Variants in ZRANB3 observed in about 807,000 individuals in gnomAD.
The protein encoded by ZRANB3 is DNA annealing helicase and endonuclease ZRANB3.
A neutral mutation model predicts 133.8 loss-of-function variants in ZRANB3; 125 were observed. The observed-to-expected ratio is 0.93, with a 90% CI of 0.81 to 1.08. ZRANB3 has a LOEUF of 1.08. ZRANB3 is among the 50% of genes least tolerant of loss of function. The probability of loss-of-function intolerance (pLI) is 0.00; values close to 1 mark genes in which losing one functional copy is unlikely to be tolerated. For synonymous variants in ZRANB3, 387 were observed against 432.7 expected (o/e 0.89, Z 1.31); for missense variants, 1,229 against 1,275.5 (o/e 0.96, Z 0.56).
chr2:135,349,773 A>T (rs568469949), intron 5 of ZRANB3, among the ~76,000 whole-genome samples: 39 of 152,366 alleles, frequency 2.6e-4, no homozygotes, highest in African/African-American at 8.7e-4. Context: ...GCTATGTTTT[A>T]TACATACCTA....
In ZRANB3 at chr2:135,494,374, G is replaced by T. The variant is rs181191641; in HGVS notation, c.161+9955C>A. ...AAGGAAAATAAAGGAAAGAAAGAAAGGAAGGAAAGGAGAGGAGAGGAAAGG... is the reference window on the plus strand; with the variant it reads ...AAGGAAAATAAAGGAAAGAAAGAAATGAAGGAAAGGAGAGGAGAGGAAAGG... On this transcript the variant is annotated intron_variant, in intron 2 of 20. Coordinates refer to ENST00000264159, the MANE Select transcript of ZRANB3 (RefSeq NM_032143.4). 3.3e-5 allele frequency among the ~76,000 whole-genome samples: 5 copies of T among 150,848 alleles called. No homozygotes were observed. In the East Asian group the frequency reaches 9.7e-4, roughly 29 times the overall value.
At position 135,424,560 on chromosome 2, in the gene ZRANB3, C is replaced by T. The variant is rs530639401; in HGVS notation, c.162-33740G>A. On this transcript the variant is annotated intron_variant, in intron 2 of 20. Transcript: ENST00000264159. ...CCAGACTGGCCGATATGGTGAAACC[C>T]TATCTCTACTAAAAATACAAAAATT... Among the ~76,000 whole-genome samples the T allele has an allele frequency of 9.2e-5, 14 of 152,256 alleles. No homozygotes were observed. In the South Asian group the frequency reaches 2.7e-3, roughly 29 times the overall value.
At chr2:135,418,925 C>CTTTTTTTTTTTTT (rs769271961) in intron 2 of ZRANB3, among the ~76,000 whole-genome samples, 49 of 85,894 alleles carry the variant, frequency 5.7e-4, no homozygotes, top group African/African-American at 9.0e-4. Flanking sequence ...AGGATTCTCT[C>CTTTTTTTTTTTTT]TTTTTTTTTT....
chr2:135,228,084 C>T, intron 13 of ZRANB3, 69 bp from the exon 14 acceptor site: 1 of 1,273,664 alleles, frequency 7.9e-7, no homozygotes, highest in South Asian at 1.5e-5. Flanking sequence ...AAGAATGTAA[C>T]AGTTAGGTCT....
intron 12 of ZRANB3, among the ~76,000 whole-genome samples, chr2:135,258,086 C>T (rs1042173974): frequency 6.6e-6 from 1 of 151,904 alleles, no homozygotes; most frequent in African/African-American, 2.4e-5. Flanking sequence ...CCTAGGAGTT[C>T]AAGACCAGCC....
chr2:135,478,315 C>G (rs1371951190), intron 2 of ZRANB3, among the ~76,000 whole-genome samples: 2 of 151,812 alleles, frequency 1.3e-5, no homozygotes, highest in Non-Finnish European at 2.9e-5. Context: ...TAAGAAAATT[C>G]AAAAATTTTC....
chr2:135,216,913 C>T (rs957041941), intron 17 of ZRANB3, among the ~76,000 whole-genome samples: 1 of 152,124 alleles, frequency 6.6e-6, no homozygotes, highest in Non-Finnish European at 1.5e-5. Context: ...AATCAATGTA[C>T]AGAGATTAGA....
chr2:135,420,876 TG>T (rs1688817564), intron 2 of ZRANB3, among the ~76,000 whole-genome samples: 1 of 152,196 alleles, frequency 6.6e-6, no homozygotes, highest in African/African-American at 2.4e-5. Context: ...TTCAGTTCTA[TG>T]GGTCTTCAGT....
chr2:135,403,581 G>C (rs1023687707), intron 2 of ZRANB3, among the ~76,000 whole-genome samples: 4 of 152,226 alleles, frequency 2.6e-5, no homozygotes, highest in African/African-American at 7.2e-5. Context: ...AAATGTTCTT[G>C]TCTGACAGCT....
chr2:135,492,779 A>G (rs1348777705), intron 2 of ZRANB3, among the ~76,000 whole-genome samples: 1 of 152,104 alleles, frequency 6.6e-6, no homozygotes, highest in Admixed American at 6.5e-5. Flanking sequence ...CAGAGCAACA[A>G]GAATAAGGCC....
At chr2:135,380,102 G>C (rs1686619662) in intron 3 of ZRANB3, among the ~76,000 whole-genome samples, 1 of 152,164 alleles carries the variant, frequency 6.6e-6, no homozygotes, top group Non-Finnish European at 1.5e-5. Context: ...AATTCAACAA[G>C]AAGACTTAAC....
chr2:135,251,904 G>T (rs1481937750), intron 12 of ZRANB3, among the ~76,000 whole-genome samples: 1 of 152,066 alleles, frequency 6.6e-6, no homozygotes. Flanking sequence ...GTGTGGTGGT[G>T]TGTGCCTGTA....
chr2:135,463,755 T>C (rs1270715814), intron 2 of ZRANB3, among the ~76,000 whole-genome samples: 2 of 152,208 alleles, frequency 1.3e-5, no homozygotes, highest in South Asian at 4.1e-4. Context: ...GTTACCCCTA[T>C]CTTTCCTTCT....
At chr2:135,284,025 C>T (rs1681224902) in intron 8 of ZRANB3, among the ~76,000 whole-genome samples, 1 of 152,090 alleles carries the variant, frequency 6.6e-6, no homozygotes, top group Non-Finnish European at 1.5e-5. Flanking sequence ...CACATTAATC[C>T]ATGGTCACTA....
chr2:135,345,506 G>C (rs768433691), intron 6 of ZRANB3, 44 bp downstream of exon 6: 2 of 1,343,702 alleles, frequency 1.5e-6, no homozygotes, highest in Non-Finnish European at 1.1e-6. Flanking sequence ...AATGTTCACA[G>C]TAAACATGTG....
chr2:135,475,116 T>C (rs1684369029), intron 2 of ZRANB3, among the ~76,000 whole-genome samples: 1 of 152,246 alleles, frequency 6.6e-6, no homozygotes, highest in African/African-American at 2.4e-5. Flanking sequence ...TGTTGATGCC[T>C]AACAATGGGA....
At chr2:135,203,875 C>A (rs1228297133) in intron 19 of ZRANB3, among the ~76,000 whole-genome samples, 1 of 152,106 alleles carries the variant, frequency 6.6e-6, no homozygotes, top group Non-Finnish European at 1.5e-5. Context: ...TTAGGCCAGT[C>A]CATATATACA....
At chr2:135,389,113 AC>A (rs1333566468) in intron 3 of ZRANB3, among the ~76,000 whole-genome samples, 1 of 152,136 alleles carries the variant, frequency 6.6e-6, no homozygotes, top group Non-Finnish European at 1.5e-5. Context: ...AAACAAGCAA[AC>A]AAAAAACAAC....
intron 12 of ZRANB3, among the ~76,000 whole-genome samples, chr2:135,242,163 G>A (rs1299363732): frequency 4.6e-5 from 7 of 151,900 alleles, no homozygotes; most frequent in African/African-American, 7.3e-5. Flanking sequence ...GGGTGACAGA[G>A]TGAGACTCTG....
Sources: allele counts gnomAD v4.1 joint callset (sites outside exome capture counted in the v4.1 genomes callset), GRCh38; gene constraint gnomAD v4.1.1; transcripts MANE v1.5; gene names NCBI Gene and HGNC (gene_info 2026-07-23, HGNC 2026-07-21).